LRRC7: variants seen among roughly 807,000 people sequenced by gnomAD.
The protein encoded by LRRC7 is leucine-rich repeat-containing protein 7.
LRRC7 carries 23 observed loss-of-function variants against 175.7 expected under a neutral mutation model. The ratio of observed to expected loss-of-function variants is 0.13; its 90% confidence interval spans 0.09 to 0.19. The LOEUF (loss-of-function observed/expected upper bound fraction) is 0.19, where lower values mean the gene tolerates loss of function less well. Among genes scored for constraint, LRRC7 ranks in the 10% least tolerant of loss-of-function variants. The pLI is 1.00. For synonymous variants in LRRC7, 685 were observed against 680.9 expected (o/e 1.01, Z -0.09); for missense variants, 1,354 against 1,904.7 (o/e 0.71, Z 5.38).
chr1:69,893,979 C>G (rs1279066009), intron 7 of LRRC7, among the ~76,000 whole-genome samples: 2 of 152,086 alleles, frequency 1.3e-5, no homozygotes, highest in African/African-American at 4.8e-5. Flanking sequence ...TACTGAATGT[C>G]AAGACATGAG....
intron 2 of LRRC7, among the ~76,000 whole-genome samples, chr1:69,711,924 T>C (rs1301182097): frequency 6.6e-6 from 1 of 152,144 alleles, no homozygotes; most frequent in Non-Finnish European, 1.5e-5. Context: ...TCAGGAAGTA[T>C]ATGCTGGTGA....
intron 10 of LRRC7, among the ~76,000 whole-genome samples, chr1:69,990,154 A>C (rs1320594081): frequency 1.3e-5 from 2 of 152,154 alleles, no homozygotes; most frequent in Non-Finnish European, 2.9e-5. Context: ...AAGTGAATGC[A>C]TAAAGCAATG....
intron 2 of LRRC7, among the ~76,000 whole-genome samples, chr1:69,678,985 G>T (rs1660145908): frequency 6.6e-6 from 1 of 151,952 alleles, no homozygotes. Context: ...TGATTTAATT[G>T]AATTTAGGAA....
At chr1:70,089,473 G>A (rs1247642213) in intron 24 of LRRC7, among the ~76,000 whole-genome samples, 1 of 152,140 alleles carries the variant, frequency 6.6e-6, no homozygotes, top group Non-Finnish European at 1.5e-5. Flanking sequence ...ATTTAGTCCT[G>A]TACATGGTAA....
At chr1:69,607,791 A>G (rs1001125150) in intron 1 of LRRC7, 28 of 152,162 alleles carry the variant, frequency 1.8e-4, no homozygotes, top group Admixed American at 1.4e-3. Flanking sequence ...ATTATGTTCA[A>G]CTAGAATAGT....
chr1:69,604,636 C>G (rs1647243534), intron 1 of LRRC7, among the ~76,000 whole-genome samples: 1 of 152,032 alleles, frequency 6.6e-6, no homozygotes, highest in African/African-American at 2.4e-5. Context: ...GTGTTTTTGG[C>G]ATCATTTTTT....
intron 2 of LRRC7, among the ~76,000 whole-genome samples, chr1:69,690,878 AATC>A (rs1405633310): frequency 3.3e-5 from 5 of 152,192 alleles, no homozygotes; most frequent in African/African-American, 1.2e-4. Context: ...AGGAGAATGA[AATC>A]ATCATTACAT....
chr1:70,039,813 G>A lies in LRRC7; in HGVS notation c.3969+20G>A. ...GACAGGGTATGTCTGGTGTTTCTCT[G>A]TAAGAATATCCCTCCTGCCTTTAGT... On this transcript the variant is annotated intron_variant, in intron 21 of 26. Coordinates refer to ENST00000651989, the MANE Select transcript of LRRC7 (RefSeq NM_001370785.2). 12 of 1,547,634 alleles carry A rather than the reference G, an allele frequency of 7.8e-6. No individual in the cohort carries two copies. Among genetic ancestry groups the A allele is most frequent in the Non-Finnish European group, 1.0e-5 (12 of 1,151,400 alleles).
chr1:69,791,313 G>A (rs1217752944), intron 3 of LRRC7, among the ~76,000 whole-genome samples: 3 of 151,900 alleles, frequency 2.0e-5, no homozygotes, highest in Non-Finnish European at 4.4e-5. Flanking sequence ...GCAGATTTTT[G>A]ACCCCCTTAC....
intron 1 of LRRC7, among the ~76,000 whole-genome samples, chr1:69,668,303 A>G (rs1175250040): frequency 2.0e-5 from 3 of 150,736 alleles, no homozygotes; most frequent in Admixed American, 2.0e-4. Context: ...CTAGCCCCCC[A>G]TCCCCCGACA....
chr1:70,038,045 T>TTGTTCTCTTTCTGTTCTCTTTC, intron 20 of LRRC7, 68 bp from the exon 21 acceptor site: 1 of 1,523,264 alleles, frequency 6.6e-7, no homozygotes, highest in Admixed American at 2.2e-5. Context: ...TCTTTGCTGC[T>TTGTTCTCTTTCTGTTCTCTTTC]TGTTCTCTTT....
At chr1:69,984,215 C>T (rs186187434) in intron 9 of LRRC7, among the ~76,000 whole-genome samples, 6 of 152,248 alleles carry the variant, frequency 3.9e-5, no homozygotes, top group African/African-American at 1.4e-4. Context: ...TGAGCCACCG[C>T]GCCCAGCAGA....
intron 7 of LRRC7, among the ~76,000 whole-genome samples, chr1:69,905,462 GTGTTCTCAT>G (rs1477437904): frequency 6.6e-6 from 1 of 151,996 alleles, no homozygotes. Context: ...CTGTGTCCAT[GTGTTCTCAT>G]TGTTCAATTC....
chr1:69,962,187 T>G (rs542187480), intron 8 of LRRC7, among the ~76,000 whole-genome samples: 4 of 152,126 alleles, frequency 2.6e-5, no homozygotes, highest in Non-Finnish European at 5.9e-5. Flanking sequence ...CAGACACTGC[T>G]CAAAAGAAGA....
chr1:70,063,049 A>G (rs1400199455), intron 23 of LRRC7, among the ~76,000 whole-genome samples: 1 of 152,150 alleles, frequency 6.6e-6, no homozygotes, highest in African/African-American at 2.4e-5. Context: ...TCCTAATACC[A>G]GTACAACAAT....
chr1:69,738,386 G>C (rs1668352237), intron 2 of LRRC7, among the ~76,000 whole-genome samples: 1 of 151,916 alleles, frequency 6.6e-6, no homozygotes, highest in African/African-American at 2.4e-5. Context: ...CTACAACTAA[G>C]TATTTCACGG....
intron 8 of LRRC7, among the ~76,000 whole-genome samples, chr1:69,938,524 G>A (rs1267069349): frequency 2.0e-5 from 3 of 151,992 alleles, no homozygotes; most frequent in South Asian, 2.1e-4. Context: ...TATTCTGAGC[G>A]ATACAGTTGA....
At chr1:69,696,069 G>A (rs1226016412) in intron 2 of LRRC7, among the ~76,000 whole-genome samples, 1 of 152,194 alleles carries the variant, frequency 6.6e-6, no homozygotes, top group Non-Finnish European at 1.5e-5. Context: ...CTGAATGTTA[G>A]AGCAACTGGC....
At chr1:70,022,388 T>C (rs1657603132) in intron 16 of LRRC7, 1 of 152,198 alleles carries the variant, frequency 6.6e-6, no homozygotes, top group African/African-American at 2.4e-5. Context: ...TGCATGCTTC[T>C]TCCTGAAATT....
Sources: gnomAD v4.1 joint callset for allele counts (sites outside exome capture counted in the v4.1 genomes callset) on GRCh38, gnomAD v4.1.1 for gene constraint, MANE v1.5 for transcripts, NCBI Gene and HGNC (gene_info 2026-07-23, HGNC 2026-07-21) for gene names.